Variants in ERC1 observed in about 807,000 individuals in gnomAD.
ERC1 encodes RAB6 interacting protein 2.
In ERC1, 56 loss-of-function variants were observed where a neutral mutation model predicts 132.0. The ratio of observed to expected loss-of-function variants is 0.42; its 90% CI spans 0.34 to 0.53. The LOEUF (loss-of-function observed/expected upper bound fraction) is 0.53. Among genes scored for constraint, ERC1 ranks in the 20% least tolerant of loss-of-function variants. The probability of loss-of-function intolerance (pLI) is 0.03; values close to 1 mark genes in which losing one functional copy is unlikely to be tolerated. For missense variants in ERC1, 1,202 were observed against 1,349.9 expected (o/e 0.89, Z 1.72); for synonymous variants, 478 against 476.1 (o/e 1.00, Z -0.05).
At chr12:1,484,050 A>C (rs985252803) in intron 18 of ERC1, among the ~76,000 whole-genome samples, 20 of 147,352 alleles carry the variant, frequency 1.4e-4, no homozygotes, top group South Asian at 2.2e-4. Context: ...TCACGCCTGT[A>C]ATCCCAGCAC....
intron 3 of ERC1, among the ~76,000 whole-genome samples, chr12:1,094,312 C>T (rs890789449): frequency 2.0e-5 from 3 of 151,420 alleles, no homozygotes; most frequent in Admixed American, 6.6e-5. Flanking sequence ...AGCCACCACA[C>T]CCGGCCAAAA....
chr12:1,184,431 A>C (rs1181821725), intron 11 of ERC1, among the ~76,000 whole-genome samples: 1 of 152,106 alleles, frequency 6.6e-6, no homozygotes, highest in African/African-American at 2.4e-5. Flanking sequence ...TTATGTGTAG[A>C]TTTACATGAA....
At chr12:1,476,557 A>G (rs1185072633) in intron 18 of ERC1, among the ~76,000 whole-genome samples, 1 of 152,256 alleles carries the variant, frequency 6.6e-6, no homozygotes, top group African/African-American at 2.4e-5. Context: ...TGGCTTCACT[A>G]CAGATGGGAA....
At chr12:1,405,392 G>C (rs929368829) in intron 16 of ERC1, among the ~76,000 whole-genome samples, 1 of 151,648 alleles carries the variant, frequency 6.6e-6, no homozygotes, top group South Asian at 2.1e-4. Context: ...ATCTTCAACA[G>C]TATGGGACTC....
intron 14 of ERC1, among the ~76,000 whole-genome samples, chr12:1,284,871 A>C (rs576205714): frequency 6.6e-6 from 1 of 152,304 alleles, no homozygotes; most frequent in Admixed American, 6.5e-5. Flanking sequence ...GCTGGCCTCA[A>C]ACCCCTTCCT....
intron 7 of ERC1, among the ~76,000 whole-genome samples, chr12:1,129,365 A>G (rs1274057517): frequency 1.1e-5 from 1 of 88,770 alleles, no homozygotes; most frequent in East Asian, 8.1e-4. Context: ...GGCAACAACA[A>G]GAAAAAAAAC....
chr12:1,015,252 A>G (rs1020512518), intron 1 of ERC1, among the ~76,000 whole-genome samples: 1 of 149,678 alleles, frequency 6.7e-6, no homozygotes, highest in Non-Finnish European at 1.5e-5. Context: ...AGAGACAGGA[A>G]TTCACCATGT....
chr12:1,256,200 C>G (rs1010167725), intron 13 of ERC1, among the ~76,000 whole-genome samples: 6 of 151,748 alleles, frequency 4.0e-5, no homozygotes, highest in Non-Finnish European at 8.8e-5. Context: ...GTTGCCTGTT[C>G]ACTCTGATGA....
chr12:1,471,411 C>T (rs1000526032), intron 18 of ERC1, among the ~76,000 whole-genome samples: 5 of 152,206 alleles, frequency 3.3e-5, no homozygotes, highest in African/African-American at 1.2e-4. Context: ...AGTGTCTAGA[C>T]ATAAGTAAGT....
chr12:1,393,765 T>G (rs546376648), intron 16 of ERC1, among the ~76,000 whole-genome samples: 1 of 151,476 alleles, frequency 6.6e-6, no homozygotes. Context: ...TGGTGGCTCA[T>G]GCCTGTAATC....
chr12:1,455,555 GCCAA>G (rs2093514778), intron 18 of ERC1, among the ~76,000 whole-genome samples: 1 of 152,140 alleles, frequency 6.6e-6, no homozygotes, highest in Non-Finnish European at 1.5e-5. Context: ...TGGTTGCACC[GCCAA>G]GCCCTGTTGC....
intron 7 of ERC1, among the ~76,000 whole-genome samples, chr12:1,138,340 TATATA>T (rs1949553929): frequency 7.1e-6 from 1 of 141,400 alleles, no homozygotes; most frequent in Admixed American, 7.4e-5. Flanking sequence ...TAATATATGT[TATATA>T]ATATATAATA....
At chr12:1,222,434 C>G (rs1959079666) in intron 12 of ERC1, among the ~76,000 whole-genome samples, 1 of 152,006 alleles carries the variant, frequency 6.6e-6, no homozygotes, top group African/African-American at 2.4e-5. Flanking sequence ...AGGCTGGTCT[C>G]AAACTCCTGA....
intron 7 of ERC1, among the ~76,000 whole-genome samples, chr12:1,122,983 C>T (rs564628879): frequency 3.9e-5 from 6 of 152,150 alleles, no homozygotes; most frequent in South Asian, 2.1e-4. Flanking sequence ...ATGCCAGAGG[C>T]GTTCTGATCT....
intron 15 of ERC1, among the ~76,000 whole-genome samples, chr12:1,322,804 C>G (rs548622058): frequency 3.3e-5 from 5 of 152,098 alleles, no homozygotes; most frequent in Non-Finnish European, 7.4e-5. Context: ...TCCAGCCTGG[C>G]GACCTTAATT....
In ERC1 at chr12:1,121,759, C is replaced by A. The variant is rs1433612950; in HGVS notation, c.1569+5726C>A. On this transcript the variant is annotated intron_variant, in intron 7 of 18. Transcript: ENST00000360905. The stretch of plus-strand genomic sequence containing the variant: ...TATCTCTATCTATCTCTATCTCTAT[C>A]TCTATCTATCTCTATCTCTATCTAT... Among the ~76,000 whole-genome samples the A allele has an allele frequency of 3.3e-3, 18 of 5,406 alleles. 4 individuals are homozygous for A. The highest frequency in any genetic ancestry group is 9.6e-3 in the Non-Finnish European group (14 of 1,452). 3.5% of individuals were successfully genotyped at this position (5,406 alleles called of 152,430 possible).
At chr12:1,294,531 T>G (rs546875531) in intron 15 of ERC1, among the ~76,000 whole-genome samples, 1 of 152,340 alleles carries the variant, frequency 6.6e-6, no homozygotes, top group Admixed American at 6.5e-5. Flanking sequence ...CTTACCTGTG[T>G]AGGGATGAAA....
At chr12:1,276,383 G>T (rs924197836) in intron 14 of ERC1, among the ~76,000 whole-genome samples, 1 of 151,552 alleles carries the variant, frequency 6.6e-6, no homozygotes, top group Non-Finnish European at 1.5e-5. Flanking sequence ...GATTACAGGC[G>T]CCCGCCACCA....
chr12:1,472,345 T>G (rs1316540302), intron 18 of ERC1, among the ~76,000 whole-genome samples: 1 of 152,158 alleles, frequency 6.6e-6, no homozygotes, highest in Non-Finnish European at 1.5e-5. Context: ...AAATATGTGA[T>G]GACCTAACAT....
Sources: allele counts gnomAD v4.1 joint callset (sites outside exome capture counted in the v4.1 genomes callset), GRCh38; gene constraint gnomAD v4.1.1; transcripts MANE v1.5; gene names NCBI Gene and HGNC (gene_info 2026-07-23, HGNC 2026-07-21).